KDM4B: variants seen among roughly 807,000 people sequenced by gnomAD.
KDM4B encodes lysine demethylase 4B.
In KDM4B, 32 loss-of-function variants were observed where a neutral mutation model predicts 125.2. The observed-to-expected ratio is 0.26, with a 90% CI of 0.19 to 0.34. The LOEUF is 0.34. KDM4B is among the 10% of genes least tolerant of loss of function. KDM4B has a pLI of 1.00. For synonymous variants in KDM4B, 721 were observed against 677.9 expected, an observed-to-expected ratio of 1.06 and a Z score of -0.99; for missense variants, 1,190 against 1,577.7, an observed-to-expected ratio of 0.75 and a Z score of 4.16.
At chr19:5,047,038 A>C (rs2037047501) in intron 5 of KDM4B, 1 of 157,374 alleles carries the variant, frequency 6.4e-6, no homozygotes, top group South Asian at 1.8e-4. Context: ...TCATGCCTGC[A>C]GCCCCAGCGC....
At chr19:5,143,438 C>T (rs1467102001) in intron 18 of KDM4B, among the ~76,000 whole-genome samples, 2 of 152,142 alleles carry the variant, frequency 1.3e-5, no homozygotes, top group African/African-American at 4.8e-5. Context: ...AGTTCATCAC[C>T]CCATGAAGAA....
At chr19:4,984,603 C>T (rs576424585) in intron 1 of KDM4B, among the ~76,000 whole-genome samples, 6 of 152,212 alleles carry the variant, frequency 3.9e-5, no homozygotes, top group East Asian at 3.9e-4. Context: ...TTTTCTGCTC[C>T]GGTGAACTTG....
intron 1 of KDM4B, among the ~76,000 whole-genome samples, chr19:5,013,921 G>A (rs887947069): frequency 2.0e-5 from 3 of 152,194 alleles, no homozygotes; most frequent in Non-Finnish European, 2.9e-5. Flanking sequence ...GGGAGAGGTC[G>A]TGAAGCCCTT....
At chr19:5,013,783 T>TA (rs1318159767) in intron 1 of KDM4B, among the ~76,000 whole-genome samples, 1 of 152,182 alleles carries the variant, frequency 6.6e-6, no homozygotes, top group African/African-American at 2.4e-5. Flanking sequence ...GAAGGTGAAA[T>TA]AGTCCCAGGG....
chr19:5,137,120 T>C (rs780968480), intron 15 of KDM4B, 142 bp from the exon 16 acceptor site: 3 of 632,458 alleles, frequency 4.7e-6, no homozygotes, highest in African/African-American at 1.8e-5. Context: ...GCACCCTGAA[T>C]GCTGCAGCTG....
intron 6 of KDM4B, among the ~76,000 whole-genome samples, chr19:5,052,279 T>C (rs2037252002): frequency 6.6e-6 from 1 of 150,862 alleles, no homozygotes; most frequent in East Asian, 2.0e-4. Flanking sequence ...TTCATGGGTG[T>C]CCCTGGAGGT....
intron 1 of KDM4B, among the ~76,000 whole-genome samples, chr19:4,982,924 T>C (rs1242502529): frequency 1.3e-5 from 2 of 152,120 alleles, no homozygotes; most frequent in Non-Finnish European, 2.9e-5. Context: ...AAGTGATGTA[T>C]GTTTTAAGGC....
At chr19:4,994,467 G>T (rs1440313032) in intron 1 of KDM4B, among the ~76,000 whole-genome samples, 2 of 150,396 alleles carry the variant, frequency 1.3e-5, no homozygotes, top group East Asian at 3.9e-4. Context: ...GGAGGCTGAG[G>T]CAGGAGAATC....
At position 5,134,047 on chromosome 19, in the gene KDM4B, T is replaced by A; in HGVS notation, c.2071T>A (p.Tyr691Asn). Residue 691 changes from tyrosine (Y) to asparagine (N), a missense_variant, in exon 14 of 23, where the codon TAC (tyrosine) becomes AAC (asparagine). Around this residue, in one of 7 missense-constraint regions of KDM4B, gnomAD observed 128 missense variants for 137.8 expected, o/e 0.93. Coordinates refer to ENST00000159111, the MANE Select transcript of KDM4B (RefSeq NM_015015.3). Reference sequence around the variant, plus strand: ...CTACTGCGCCATCTGCACGCTCTTCTACCCCTACTGCCAGGTGGGCAGGCG... The same window carrying A: ...CTACTGCGCCATCTGCACGCTCTTCAACCCCTACTGCCAGGTGGGCAGGCG... ...EPYCAICTLF[Y>N]PYCQALQTEK... 1 of 1,592,352 alleles carries A rather than the reference T, an allele frequency of 6.3e-7. No homozygotes were observed. Among genetic ancestry groups the A allele is most frequent in the Non-Finnish European group, 8.6e-7 (1 of 1,167,832 alleles).
chr19:5,078,705 C>T lies in KDM4B; in HGVS notation c.780+1235C>T, dbSNP rs1599569603. 6.6e-6 allele frequency: 1 copy of T among 152,266 alleles called. No individual in the cohort carries two copies. Among genetic ancestry groups the T allele is most frequent in the East Asian group, 1.9e-4 (1 of 5,154 alleles). 9.4% of individuals were successfully genotyped at this position (152,266 alleles called of 1,614,324 possible). ...GGGCAGGCAGTGAGTGGCCTGGACT[C>T]CCAGGTCAGCATCTGTATCGCACTG... On this transcript the variant is annotated intron_variant, in intron 8 of 22. Coordinates refer to ENST00000159111, the MANE Select transcript of KDM4B (RefSeq NM_015015.3). The surrounding 1 kb of genome is among the most constrained non-coding windows in gnomAD (Gnocchi z 4.5).
intron 9 of KDM4B, among the ~76,000 whole-genome samples, chr19:5,089,046 C>T (rs1212659064): frequency 6.6e-6 from 1 of 152,066 alleles, no homozygotes; most frequent in Non-Finnish European, 1.5e-5. Flanking sequence ...GGTGTGGGGG[C>T]TGGAGGGTGA....
chr19:5,120,039 C>T (rs752124823), intron 11 of KDM4B, among the ~76,000 whole-genome samples, 187 bp downstream of exon 11: 9 of 152,214 alleles, frequency 5.9e-5, no homozygotes, highest in Non-Finnish European at 1.3e-4. Context: ...AAGAAAAGTG[C>T]CTCCGTCCCC....
At chr19:5,047,253 A>G (rs2037054627) in intron 5 of KDM4B, 1 of 518,570 alleles carries the variant, frequency 1.9e-6, no homozygotes, top group East Asian at 3.1e-5. Context: ...GCAGTGAGCT[A>G]TGATTCTGCC....
intron 6 of KDM4B, among the ~76,000 whole-genome samples, chr19:5,049,148 T>G (rs1208963029): frequency 6.6e-6 from 1 of 152,040 alleles, no homozygotes; most frequent in Non-Finnish European, 1.5e-5. Flanking sequence ...AGTGGCTCCC[T>G]GGAGGCGGCA....
chr19:5,121,269 C>T (rs887949405), intron 11 of KDM4B, among the ~76,000 whole-genome samples: 4 of 152,148 alleles, frequency 2.6e-5, no homozygotes, highest in Non-Finnish European at 5.9e-5. Context: ...TGAGTTTGCC[C>T]CTGACGGACC....
At position 5,098,413 on chromosome 19, in the gene KDM4B, A is replaced by C. The variant is rs571225446; in HGVS notation, c.919-12209A>C. On this transcript the variant is annotated intron_variant, in intron 9 of 22. Transcript: ENST00000159111. ...TGACAGGCTTGGGAATTCAGACCGG[A>C]GAACAGCTGCCCTGCCTGTTCCCTT... Among the ~76,000 whole-genome samples the C allele has an allele frequency of 1.1e-4, 17 of 152,330 alleles. No individual in the cohort carries two copies. The South Asian group carries it at 3.5e-3, about 32-fold the overall frequency.
chr19:5,084,551 TATATAAA>T (rs2038421560), intron 9 of KDM4B, among the ~76,000 whole-genome samples: 3 of 124,084 alleles, frequency 2.4e-5, no homozygotes, highest in Non-Finnish European at 5.0e-5. Flanking sequence ...TTATATATAA[TATATAAA>T]TTATATAAAT....
intron 1 of KDM4B, among the ~76,000 whole-genome samples, chr19:4,972,883 C>T (rs573472087): frequency 9.8e-5 from 15 of 152,316 alleles, no homozygotes; most frequent in South Asian, 2.1e-4. Context: ...GTCCCCTGCA[C>T]GCCCTGCAAT....
In KDM4B at chr19:4,994,020, G is replaced by GTTTTTTTTTTTTTTTTTTTTTTTTTTT. The variant is rs55641886; in HGVS notation, c.-108-22215_-108-22214insTTTTTTTTTTTTTTTTTTTTTTTTTTT. On this transcript the variant is annotated intron_variant, in intron 1 of 22. Transcript: ENST00000159111. ...CGTTTAATTTTTATATTTTCAGCCT[G>GTTTTTTTTTTTTTTTTTTTTTTTTTTT]TTTTTTTTTTTTTTTTTTTTTTGTT... is the stretch of plus-strand genomic sequence containing the variant. Among the ~76,000 whole-genome samples the GTTTTTTTTTTTTTTTTTTTTTTTTTTT allele has an allele frequency of 1.5e-3, 97 of 66,682 alleles. 1 individual carries two copies. The highest frequency in any genetic ancestry group is 1.9e-3 in the Non-Finnish European group (71 of 36,794). 43.7% of individuals were successfully genotyped at this position (66,682 alleles called of 152,430 possible).
Sources: gnomAD v4.1 joint callset for allele counts (sites outside exome capture counted in the v4.1 genomes callset) on GRCh38, gnomAD v4.1.1 for gene constraint, gnomAD v4.1.1 regional missense constraint, Gnocchi (gnomAD v3.1) non-coding constraint, MANE v1.5 for transcripts, NCBI Gene and HGNC (gene_info 2026-07-23, HGNC 2026-07-21) for gene names.